Variants in ZNF219 observed in about 807,000 individuals in gnomAD.
ZNF219 encodes zinc finger protein 219.
ZNF219 carries 17 observed loss-of-function variants against 54.4 expected under a neutral mutation model. That is an observed-to-expected ratio of 0.31 (90% confidence interval 0.21 to 0.47). ZNF219 has a LOEUF of 0.47. ZNF219 is among the 20% of genes least tolerant of loss of function. The probability of loss-of-function intolerance (pLI) is 1.00; values close to 1 mark genes in which losing one functional copy is unlikely to be tolerated. For missense variants in ZNF219, 1,014 were observed against 1,062.3 expected, an observed-to-expected ratio of 0.95 and a Z score of 0.63; for synonymous variants, 518 against 476.4, an observed-to-expected ratio of 1.09 and a Z score of -1.14.
intron 1 of ZNF219, among the ~76,000 whole-genome samples, chr14:21,095,699 C>T (rs1385161251): frequency 6.6e-6 from 1 of 152,096 alleles, no homozygotes; most frequent in East Asian, 1.9e-4. Flanking sequence ...GGGCTGTTTG[C>T]CATTTTAGCA....
rs1397617688 is a variant in ZNF219 at position 21,093,019 on chromosome 14, C to T, written c.278G>A (p.Arg93His). 2 of 1,598,376 alleles carry T rather than the reference C, an allele frequency of 1.3e-6. No homozygotes were observed. The highest frequency in any genetic ancestry group is 4.5e-5 in the East Asian group (2 of 44,500). The part of the protein sequence containing the change: ...QAFQCPHCGH[R>H]AAQRALLRSH... ...GCGCAGCAGAGCCCGCTGCGCCGCG[C>T]GGTGGCCGCAGTGAGGGCACTGGAA... is the stretch of plus-strand genomic sequence containing the variant. The change falls in exon 3 of 5, where the codon CGC (arginine) becomes CAC (histidine). Residue 93 changes from arginine to histidine, a missense_variant. Arg to His is a conservative substitution (Grantham distance 29, BLOSUM62 0). Around this residue, in one of 5 missense-constraint regions of ZNF219, gnomAD observed 395 missense variants for 415.1 expected, o/e 0.95. Transcript: ENST00000360947.
At chr14:21,103,719 G>A (rs541391230), upstream of ZNF219, 1 of 155,956 alleles carries the variant, frequency 6.4e-6, no homozygotes, top group East Asian at 1.9e-4. Flanking sequence ...CCTTCTCTCC[G>A]CGGTAGGGGC....
rs573737435 is a variant in ZNF219 at position 21,090,489 on chromosome 14, C to T, written c.*47G>A. 2.7e-5 allele frequency: 41 copies of T among 1,538,632 alleles called. No homozygotes were observed. The highest frequency in any genetic ancestry group is 3.2e-5 in the Non-Finnish European group (37 of 1,141,160). The stretch of plus-strand genomic sequence containing the variant: ...TACCCAACTACCTCTAGCGCTCCCC[C>T]GCTCCGGCGGGGTAAGCTCACTAAG... On this transcript the variant is annotated 3_prime_UTR_variant, in exon 5 of 5. Coordinates refer to ENST00000360947, the MANE Select transcript of ZNF219 (RefSeq NM_016423.3). This position sits in a 1 kb window ranked among gnomAD's most constrained non-coding sequence, Gnocchi z 4.4.
rs547969447 is a variant in ZNF219, at chr14:21,093,949, G to A, written c.-83-275C>T. 53 of 399,778 alleles carry A rather than the reference G, an allele frequency of 1.3e-4. No individual in the cohort carries two copies. The Middle Eastern group carries it at 2.4e-3, about 18-fold the overall frequency. The allele number at this position is 399,778 out of a possible 1,614,324, so 24.8% of individuals were successfully genotyped here. A position where few individuals can be genotyped will look rare whatever the true frequency, so the allele number is the denominator to read the frequency against. On this transcript the variant is annotated intron_variant, in intron 1 of 4. Transcript: ENST00000360947. ...CACAGCTACCACCCCACCCCCTGGC[G>A]GTGGGGAAGACCATCACAATATGCC...
At chr14:21,101,331 G>A, upstream of ZNF219, 1 of 1,550,978 alleles carries the variant, frequency 6.4e-7, no homozygotes, top group Non-Finnish European at 8.7e-7. Flanking sequence ...TAATTCTTGT[G>A]GGCAAAGGAG....
Position 21,098,606 on chromosome 14 carries a change from G to C in ZNF219, c.-378C>G, listed in dbSNP as rs1348826418. The C allele has an allele frequency of 7.8e-6, 8 of 1,019,762 alleles. No homozygotes were observed. The highest frequency in any genetic ancestry group is 9.4e-6 in the Non-Finnish European group (8 of 849,256). 63.2% of individuals were successfully genotyped at this position (1,019,762 alleles called of 1,614,324 possible). A position where few individuals can be genotyped will look rare whatever the true frequency, so the allele number is the denominator to read the frequency against. ...CGGGGACAGGGAGCTGGGGACCCCGGGAGCCGCGAGAGGCGGCCGCCAGGG... is the reference window on the plus strand; with the variant it reads ...CGGGGACAGGGAGCTGGGGACCCCGCGAGCCGCGAGAGGCGGCCGCCAGGG... On this transcript the variant is annotated 5_prime_UTR_variant, in exon 1 of 5. Coordinates refer to ENST00000360947, the MANE Select transcript of ZNF219 (RefSeq NM_016423.3).
Position 21,091,896 on chromosome 14 carries a change from A to G in ZNF219, c.1401T>C (p.Ala467=). Residue 467 remains alanine, a synonymous_variant, in exon 3 of 5, where the codon GCT becomes GCC. Transcript: ENST00000360947. ...TGGCGGTCGATCTTGCCTGGGCCCC[A>G]GCAGCAGAGGCAGAGTGCCCCGGTC... The part of the protein sequence containing the change: ...GEGPGHSASA[A]GAQARSTATQ... 1 of 1,582,778 alleles carries G rather than the reference A, an allele frequency of 6.3e-7. No individual in the cohort carries two copies. Among genetic ancestry groups the G allele is most frequent in the Non-Finnish European group, 8.6e-7 (1 of 1,167,450 alleles).
chr14:21,093,749 C>T, intron 1 of ZNF219, 75 bp from the exon 2 acceptor site: 1 of 1,353,616 alleles, frequency 7.4e-7, no homozygotes, highest in Non-Finnish European at 1.0e-6. Flanking sequence ...TACCCCCAGA[C>T]TCTCAGCATT....
upstream of ZNF219, chr14:21,098,861 C>T: frequency 7.8e-7 from 1 of 1,285,994 alleles, no homozygotes; most frequent in Non-Finnish European, 1.0e-6. Flanking sequence ...TGCACAGACT[C>T]GGGAAGTTCT....
Position 21,092,174 on chromosome 14 carries a change from G to C in ZNF219, c.1123C>G (p.Pro375Ala). ...PAPTPAERRE[P>A]PSLLGYLSLR... is the part of the protein sequence containing the mutation. ...CTCAGGTAGCCCAAGAGGCTCGGGG[G>C]CTCACGGCGCTCGGCCGGGGTGGGA... The change falls in exon 3 of 5, where the codon CCC becomes GCC. Residue 375 changes from proline (P) to alanine (A), a missense_variant. Physicochemically the swap from Pro to Ala is conservative, Grantham distance 27. Coordinates refer to ENST00000360947, the MANE Select transcript of ZNF219 (RefSeq NM_016423.3). The C allele has an allele frequency of 6.9e-7, 1 of 1,444,194 alleles. No individual in the cohort carries two copies. Among genetic ancestry groups the C allele is most frequent in the Non-Finnish European group, 9.0e-7 (1 of 1,105,102 alleles). 89.5% of individuals were successfully genotyped at this position (1,444,194 alleles called of 1,614,324 possible).
At chr14:21,101,213 C>T, upstream of ZNF219, 2 of 825,998 alleles carry the variant, frequency 2.4e-6, no homozygotes, top group Non-Finnish European at 3.8e-6. Flanking sequence ...ACCTCAAATC[C>T]CTGGATATTG....
At chr14:21,094,565 GAC>G in intron 1 of ZNF219, 1 of 367,348 alleles carries the variant, frequency 2.7e-6, no homozygotes, top group Non-Finnish European at 5.4e-6. Context: ...TGGAGTGAGG[GAC>G]GGGGGGCGGG....
Position 21,091,092 on chromosome 14 carries a change from G to T in ZNF219, c.1613C>A (p.Ser538Tyr). 1 of 1,577,960 alleles carries T rather than the reference G, an allele frequency of 6.3e-7. No homozygotes were observed. Among genetic ancestry groups the T allele is most frequent in the South Asian group, 1.1e-5 (1 of 87,410 alleles). ...CPHCDYAGTQ[S>Y]GSLKYHLQRH... ...CTGTAGGTGATACTTGAGCGAGCCG[G>T]ACTGGGTGCCCGCGTAGTCGCAGTG... The change falls in exon 5 of 5, where the codon TCC becomes TAC. Residue 538 changes from serine to tyrosine, a missense_variant. Physicochemically the swap from Ser to Tyr is moderately radical, Grantham distance 144. Coordinates refer to ENST00000360947, the MANE Select transcript of ZNF219 (RefSeq NM_016423.3).
upstream of ZNF219, chr14:21,101,297 AT>A (rs1175497841): frequency 3.3e-6 from 5 of 1,534,000 alleles, no homozygotes; most frequent in South Asian, 1.2e-5. Flanking sequence ...CCTATAACGC[AT>A]TTTTCCCAGC....
Position 21,090,634 on chromosome 14 carries a change from G to A in ZNF219, c.2071C>T (p.Pro691Ser). Residue 691 changes from proline (P) to serine (S), a missense_variant, in exon 5 of 5, where the codon CCA (proline) becomes TCA (serine). Physicochemically the swap from Pro to Ser is moderately conservative, Grantham distance 74. This residue lies in a region of ZNF219 where 281 missense variants were observed against 271.2 expected (regional missense o/e 1.04). Transcript: ENST00000360947. This position sits in a 1 kb window ranked among gnomAD's most constrained non-coding sequence, Gnocchi z 4.4. ...ADASPPYARV[P>S]SGETPPSPSQ... Reference sequence around the variant, plus strand: ...GGACTGGGAGGGGTCTCTCCTGATGGTACTCGGGCATAGGGCGGGGACGCG... The same window carrying A: ...GGACTGGGAGGGGTCTCTCCTGATGATACTCGGGCATAGGGCGGGGACGCG... 6.2e-7 allele frequency: 1 copy of A among 1,612,568 alleles called. No homozygotes were observed.
upstream of ZNF219, chr14:21,101,983 C>A: frequency 6.4e-7 from 1 of 1,551,428 alleles, no homozygotes; most frequent in Non-Finnish European, 8.7e-7. Flanking sequence ...TCAGTAAGAC[C>A]CACCACAAGG....
Position 21,090,340 on chromosome 14 carries a change from G to A in ZNF219, c.*196C>T. 1.3e-6 allele frequency: 1 copy of A among 757,058 alleles called. No homozygotes were observed. Among genetic ancestry groups the A allele is most frequent in the Non-Finnish European group, 2.3e-6 (1 of 441,008 alleles). The allele number at this position is 757,058 out of a possible 1,614,324, so 46.9% of individuals were successfully genotyped here. On this transcript the variant is annotated 3_prime_UTR_variant, in exon 5 of 5. Transcript: ENST00000360947. This position sits in a 1 kb window ranked among gnomAD's most constrained non-coding sequence, Gnocchi z 4.4. ...GACCCTCACCTCTGCCACTTCTAAG[G>A]CACTGTGACTCCCTTGGGCTGGGTG...
rs1237330029 is a variant in ZNF219, at chr14:21,092,149, C to A, written c.1148G>T (p.Ser383Ile). Residue 383 changes from serine to isoleucine, a missense_variant, in exon 3 of 5, where the codon AGC becomes ATC. This residue lies in a region of ZNF219 where 272 missense variants were observed against 248.9 expected (regional missense o/e 1.09). Coordinates refer to ENST00000360947, the MANE Select transcript of ZNF219 (RefSeq NM_016423.3). ...GGGCCGGCCCTCGCCAGCTCGCAGGCTCAGGTAGCCCAAGAGGCTCGGGGG... is the reference window on the plus strand; with the variant it reads ...GGGCCGGCCCTCGCCAGCTCGCAGGATCAGGTAGCCCAAGAGGCTCGGGGG... ...REPPSLLGYL[S>I]LRAGEGRPNG... 1.4e-6 allele frequency: 2 copies of A among 1,478,656 alleles called. No homozygotes were observed. Among genetic ancestry groups the A allele is most frequent in the Admixed American group, 2.4e-5 (1 of 40,830 alleles). 91.6% of individuals were successfully genotyped at this position (1,478,656 alleles called of 1,614,324 possible). A position where few individuals can be genotyped will look rare whatever the true frequency, so the allele number is the denominator to read the frequency against.
Position 21,090,385 on chromosome 14 carries a change from C to G in ZNF219, c.*151G>C, listed in dbSNP as rs1176252035. 16 of 1,098,396 alleles carry G rather than the reference C, an allele frequency of 1.5e-5. No homozygotes were observed. Among genetic ancestry groups the G allele is most frequent in the Admixed American group, 2.4e-5 (1 of 41,730 alleles). The allele number at this position is 1,098,396 out of a possible 1,614,324, so 68.0% of individuals were successfully genotyped here. A position where few individuals can be genotyped will look rare whatever the true frequency, so the allele number is the denominator to read the frequency against. On this transcript the variant is annotated 3_prime_UTR_variant, in exon 5 of 5. Transcript: ENST00000360947. The surrounding 1 kb of genome is among the most constrained non-coding windows in gnomAD (Gnocchi z 4.4). ...TGGGTGGGTACCGCCAGCCCACCCT[C>G]CTACGCCCGCCGCGCCTTCCACCTC... is the stretch of plus-strand genomic sequence containing the variant.
Sources: gnomAD v4.1 joint callset for allele counts (sites outside exome capture counted in the v4.1 genomes callset) on GRCh38, gnomAD v4.1.1 for gene constraint, gnomAD v4.1.1 regional missense constraint, Gnocchi (gnomAD v3.1) non-coding constraint, MANE v1.5 for transcripts, NCBI Gene and HGNC (gene_info 2026-07-23, HGNC 2026-07-21) for gene names.